The following SLC26A3 variants were observed in gnomAD, a reference collection of about 807,000 sequenced individuals.
SLC26A3 encodes chloride anion exchanger.
A neutral mutation model predicts 85.6 loss-of-function variants in SLC26A3; 64 were observed. The observed-to-expected ratio is 0.75, with a 90% CI of 0.61 to 0.92. The LOEUF (loss-of-function observed/expected upper bound fraction) is 0.92, where lower values mean the gene tolerates loss of function less well. Among genes scored for constraint, SLC26A3 ranks in the 40% least tolerant of loss-of-function variants. SLC26A3 has a pLI of 0.00. For synonymous variants in SLC26A3, 349 were observed against 336.0 expected (o/e 1.04, Z -0.42); for missense variants, 922 against 927.3 (o/e 0.99, Z 0.07).
intron 3 of SLC26A3, among the ~76,000 whole-genome samples, chr7:107,792,716 G>A (rs1056018790): frequency 6.6e-6 from 1 of 152,096 alleles, no homozygotes; most frequent in African/African-American, 2.4e-5. Context: ...CCTGGCATAA[G>A]CACCCAATGA....
intron 4 of SLC26A3, 129 bp downstream of exon 4, chr7:107,791,701 C>T: frequency 1.5e-6 from 1 of 675,528 alleles, no homozygotes; most frequent in South Asian, 1.6e-5. Flanking sequence ...AACCCTGGTC[C>T]TAATTCTCAC....
chr7:107,768,362 ACAT>A (rs2115785428), intron 18 of SLC26A3, among the ~76,000 whole-genome samples: 1 of 152,302 alleles, frequency 6.6e-6, no homozygotes, highest in Non-Finnish European at 1.5e-5. Context: ...TTATGGGAAA[ACAT>A]CTTCCTTACC....
At chr7:107,785,547 G>GC (rs2115852524) in intron 8 of SLC26A3, among the ~76,000 whole-genome samples, 1 of 152,178 alleles carries the variant, frequency 6.6e-6, no homozygotes, top group African/African-American at 2.4e-5. Flanking sequence ...GTTTGGTTTT[G>GC]CAAGTATTCA....
rs59105284 is a variant in SLC26A3 at position 107,776,410 on chromosome 7, G to GT, written c.1677+41dup. The GT allele has an allele frequency of 0.098, 142,482 of 1,453,848 alleles. 9,219 individuals carry two copies. Among genetic ancestry groups the GT allele is most frequent in the African/African-American group, 0.31 (22,041 of 71,624 alleles). 90.1% of individuals were successfully genotyped at this position (1,453,848 alleles called of 1,614,324 possible). ...AGAACAATGACATTCCCAGAATTCA[G>GT]TAAGATTACAAGGAAAAAAATTAAA... On this transcript the variant is annotated intron_variant, in intron 15 of 20. Transcript: ENST00000340010.
chr7:107,787,357 C>T lies in SLC26A3; in HGVS notation c.888G>A (p.Met296Ile), dbSNP rs1342223106. Reference protein sequence around the residue: ...LPVPIPIEFIMTVIAAGVSYG... With the variant: ...LPVPIPIEFIITVIAAGVSYG... Reference sequence around the variant, plus strand: ...ACAGAGTCTGAAAATGATCAATTACCATAATGAATTCGATTGGAATGGGCA... The same window carrying T: ...ACAGAGTCTGAAAATGATCAATTACTATAATGAATTCGATTGGAATGGGCA... The change falls in exon 7 of 21, where the codon ATG becomes ATA. Residue 296 changes from methionine (M) to isoleucine (I), a missense_variant and splice_region_variant. Transcript: ENST00000340010. 18 of 1,613,732 alleles carry T rather than the reference C, an allele frequency of 1.1e-5. No homozygotes were observed. Among genetic ancestry groups the T allele is most frequent in the East Asian group, 2.2e-5 (1 of 44,858 alleles).
chr7:107,785,493 C>A (rs966296115), intron 8 of SLC26A3, among the ~76,000 whole-genome samples: 4 of 152,138 alleles, frequency 2.6e-5, no homozygotes, highest in Non-Finnish European at 5.9e-5. Context: ...ACTCAGTGAT[C>A]TTAAGTTTAT....
chr7:107,802,643 A>G (rs905181683), intron 1 of SLC26A3, among the ~76,000 whole-genome samples: 1 of 151,416 alleles, frequency 6.6e-6, no homozygotes, highest in Non-Finnish European at 1.5e-5. Context: ...CTAGGACTAT[A>G]GATACATATC....
chr7:107,772,055 A>G lies in SLC26A3; in HGVS notation c.2061T>C (p.Asp687=), dbSNP rs753904335. The G allele has an allele frequency of 6.2e-6, 10 of 1,611,082 alleles. No homozygotes were observed. The African/African-American group carries it at 6.7e-5, about 11-fold the overall frequency. Residue 687 remains aspartate (D), a splice_region_variant and synonymous_variant, in exon 18 of 21, where the codon GAT becomes GAC. Transcript: ENST00000340010. ...IKVDVYIVGT[D]DDFIEKLNRY... ...TAAAACAAAAATAAAGCCACTTACC[A>G]TCAGTTCCAACGATATACACATCTA... is the stretch of plus-strand genomic sequence containing the variant.
chr7:107,775,624 TG>T (rs1794099350), intron 15 of SLC26A3, among the ~76,000 whole-genome samples: 1 of 150,558 alleles, frequency 6.6e-6, no homozygotes, highest in Non-Finnish European at 1.5e-5. Context: ...CTCATCTACT[TG>T]GGGGGCTGAG....
chr7:107,794,627 T>A, intron 1 of SLC26A3, 30 bp from the exon 2 acceptor site: 2 of 1,075,378 alleles, frequency 1.9e-6, no homozygotes, highest in Non-Finnish European at 2.9e-6. Flanking sequence ...GCTTCTTAAA[T>A]AACTCAGAGA....
In SLC26A3 at chr7:107,782,972, T is replaced by A. The variant is rs764076141; in HGVS notation, c.1233+8A>T. ...AGGACAGTGCTTGCAGCAAAGATCT[T>A]GACATACCTGTGTTTTGCCTCCTGT... On this transcript the variant is annotated splice_region_variant and intron_variant, in intron 10 of 20. Coordinates refer to ENST00000340010, the MANE Select transcript of SLC26A3 (RefSeq NM_000111.3). The A allele has an allele frequency of 1.2e-6, 2 of 1,613,736 alleles. No homozygotes were observed. Among genetic ancestry groups the A allele is most frequent in the Non-Finnish European group, 1.7e-6 (2 of 1,179,712 alleles).
chr7:107,789,161 G>A (rs1794350421), intron 6 of SLC26A3, among the ~76,000 whole-genome samples: 1 of 146,016 alleles, frequency 6.8e-6, no homozygotes, highest in African/African-American at 2.6e-5. Context: ...GTGTTGCCCA[G>A]GCTGGAGTGC....
rs1475513780 is a variant in SLC26A3, at chr7:107,779,765, T to A, written c.1312-2A>T. On this transcript the variant is annotated splice_acceptor_variant, in intron 11 of 20. Coordinates refer to ENST00000340010, the MANE Select transcript of SLC26A3 (RefSeq NM_000111.3). LOFTEE classifies it high-confidence loss of function. Reference sequence around the variant, plus strand: ...CAATGCTAAAGCTGCCAGGACGGACTGTGAAAAACACAAACATCAGATGTA... The same window carrying A: ...CAATGCTAAAGCTGCCAGGACGGACAGTGAAAAACACAAACATCAGATGTA... The A allele has an allele frequency of 6.2e-7, 1 of 1,612,450 alleles. No individual in the cohort carries two copies. Among genetic ancestry groups the A allele is most frequent in the East Asian group, 2.2e-5 (1 of 44,866 alleles).
chr7:107,800,791 G>A (rs1294636611), intron 1 of SLC26A3, among the ~76,000 whole-genome samples: 2 of 152,254 alleles, frequency 1.3e-5, no homozygotes, highest in East Asian at 3.8e-4. Flanking sequence ...AAGAAGGGAT[G>A]TAAATGTGGG....
Position 107,783,263 on chromosome 7 carries a change from G to A in SLC26A3, c.1061C>T (p.Ala354Val). 1 of 1,614,198 alleles carries A rather than the reference G, an allele frequency of 6.2e-7. No homozygotes were observed. The highest frequency in any genetic ancestry group is 8.5e-7 in the Non-Finnish European group (1 of 1,180,034). Residue 354 changes from alanine to valine, a missense_variant, in exon 9 of 21, where the codon GCC becomes GTC. By Grantham distance (64) the Ala-to-Val change is moderately conservative. Transcript: ENST00000340010. ...FGIAMVAFAV[A>V]FSVASVYSLK... is the part of the protein sequence containing the mutation. ...GGAATAGACGCTGGCAACTGAAAAG[G>A]CCACTGCAAATGCAACCATTGCGAT...
intron 11 of SLC26A3, among the ~76,000 whole-genome samples, chr7:107,780,895 G>A (rs947657319): frequency 3.9e-5 from 6 of 152,190 alleles, no homozygotes; most frequent in Non-Finnish European, 8.8e-5. Context: ...TTGTACTACA[G>A]CTGTGTAAGA....
At chr7:107,801,582 G>A (rs1419200739) in intron 1 of SLC26A3, among the ~76,000 whole-genome samples, 1 of 152,102 alleles carries the variant, frequency 6.6e-6, no homozygotes, top group Non-Finnish European at 1.5e-5. Flanking sequence ...ATTTATTCTT[G>A]TAATTGAAAA....
intron 20 of SLC26A3, among the ~76,000 whole-genome samples, chr7:107,766,306 T>C (rs568203613): frequency 1.3e-5 from 2 of 152,246 alleles, no homozygotes; most frequent in African/African-American, 4.8e-5. Flanking sequence ...GTTAGACAAT[T>C]GGTTCTAGTG....
chr7:107,778,297 A>T lies in SLC26A3; in HGVS notation c.1408-16T>A. The T allele has an allele frequency of 6.8e-7, 1 of 1,476,610 alleles. No individual in the cohort carries two copies. The highest frequency in any genetic ancestry group is 9.5e-7 in the Non-Finnish European group (1 of 1,055,844). The allele number at this position is 1,476,610 out of a possible 1,614,324, so 91.5% of individuals were successfully genotyped here. On this transcript the variant is annotated splice_polypyrimidine_tract_variant and intron_variant, in intron 12 of 20. Transcript: ENST00000340010. ...TCCAAATTAACTGTGAAAAGAAAGCAACACATACACTACAATTTACTTTGA... is the reference window on the plus strand; with the variant it reads ...TCCAAATTAACTGTGAAAAGAAAGCTACACATACACTACAATTTACTTTGA...
Sources: gnomAD v4.1 joint callset for allele counts (sites outside exome capture counted in the v4.1 genomes callset) on GRCh38, gnomAD v4.1.1 for gene constraint, MANE v1.5 for transcripts, NCBI Gene and HGNC (gene_info 2026-07-23, HGNC 2026-07-21) for gene names.